PIGT: variants seen among roughly 807,000 people sequenced by gnomAD.
PIGT encodes GPI-anchor transamidase component PIGT.
Under a neutral mutation model 66.7 loss-of-function variants are expected in PIGT, and 57 were observed. The ratio of observed to expected loss-of-function variants is 0.86; its 90% CI spans 0.69 to 1.07. The LOEUF (loss-of-function observed/expected upper bound fraction) is 1.07, where lower values mean the gene tolerates loss of function less well. Ranked by LOEUF, PIGT falls within the 50% of genes least tolerant of loss-of-function variation. The pLI, the probability that PIGT is intolerant of heterozygous loss-of-function variation, is 0.00. For synonymous variants in PIGT, 362 were observed against 320.5 expected, an observed-to-expected ratio of 1.13 and a Z score of -1.38; for missense variants, 725 against 740.4, an observed-to-expected ratio of 0.98 and a Z score of 0.24.
At chr20:45,417,059 T>C (rs2145435080) in intron 2 of PIGT, 1 of 170,466 alleles carries the variant, frequency 5.9e-6, no homozygotes, top group South Asian at 1.3e-4. Flanking sequence ...GGGTTACAAC[T>C]GGCCAACAGG....
intron 7 of PIGT, 34 bp downstream of exon 7, chr20:45,420,463 C>T (rs1311178807): frequency 1.2e-6 from 2 of 1,609,814 alleles, no homozygotes; most frequent in East Asian, 2.2e-5. Flanking sequence ...CACAAACACA[C>T]CGCTGGTCCC....
At chr20:45,425,506 G>A (rs746049889) in intron 11 of PIGT, 68 bp from the exon 12 acceptor site, 18 of 1,555,994 alleles carry the variant, frequency 1.2e-5, no homozygotes, top group East Asian at 1.1e-4. Context: ...CAATACTGCC[G>A]GAATGAGGAT....
chr20:45,421,502 C>T lies in PIGT; in HGVS notation c.1153C>T (p.Leu385=), dbSNP rs1259828838. ...THPYRAFPVL[L]LDTVPWYLRL... is the part of the protein sequence containing the mutation. The stretch of plus-strand genomic sequence containing the variant: ...CCCATACCGGGCCTTCCCGGTGCTG[C>T]TGCTGGACACCGTACCCTGGTATCT... The change falls in exon 9 of 12, where the codon CTG becomes TTG. Residue 385 remains leucine (L), a synonymous_variant. Transcript: ENST00000279036. 1.2e-6 allele frequency: 2 copies of T among 1,614,196 alleles called. No homozygotes were observed. The highest frequency in any genetic ancestry group is 1.7e-5 in the Admixed American group (1 of 60,022).
In PIGT at chr20:45,421,412, C is replaced by T. The variant is rs761511570; in HGVS notation, c.1063C>T (p.Gln355Ter). The T allele has an allele frequency of 5.0e-6, 8 of 1,613,986 alleles. No individual in the cohort carries two copies. Residue 355 changes from glutamine (Q) to a stop codon, truncating the protein, a stop_gained, in exon 9 of 12, where the codon CAG (glutamine) becomes TAG (stop). Coordinates refer to ENST00000279036, the MANE Select transcript of PIGT (RefSeq NM_015937.6). LOFTEE classifies it high-confidence loss of function. ...CCCCCCAGTGCCCTTCCTGCATGCC[C>T]AGCGGTACGTGAGTGGCTATGGGCT... is the stretch of plus-strand genomic sequence containing the variant. ...EAPPVPFLHAQRYVSGYGLQK... is the reference protein window; with the variant it reads ...EAPPVPFLHA
chr20:45,419,683 G>A, intron 5 of PIGT, 93 bp downstream of exon 5: 3 of 870,352 alleles, frequency 3.4e-6, no homozygotes, highest in Non-Finnish European at 5.9e-6. Flanking sequence ...GGCTGAGTGA[G>A]TACTGAGTGG....
chr20:45,424,509 A>G lies in PIGT; in HGVS notation c.1414A>G (p.Ser472Gly). Residue 472 changes from serine to glycine, a missense_variant, in exon 11 of 12, where the codon AGC (serine) becomes GGC (glycine). Transcript: ENST00000279036. The part of the protein sequence containing the change: ...HGFYVSPSVL[S>G]ALVPSMVAAK... ...GCTTCTCTGTAGCCCATCTGTCCTC[A>G]GCGCCCTTGTGCCCAGCATGGTAGC... 6.2e-7 allele frequency: 1 copy of G among 1,614,124 alleles called. No individual in the cohort carries two copies. Among genetic ancestry groups the G allele is most frequent in the Non-Finnish European group, 8.5e-7 (1 of 1,180,008 alleles).
Position 45,425,768 on chromosome 20 carries a change from G to A in PIGT, c.1679G>A (p.Gly560Asp), listed in dbSNP as rs774130938. The A allele has an allele frequency of 3.1e-6, 5 of 1,614,016 alleles. No individual in the cohort carries two copies. Among genetic ancestry groups the A allele is most frequent in the South Asian group, 2.2e-5 (2 of 91,090 alleles). ...CACATCGAGGAGCCCCGCACAGGTG[G>A]CCTGGCCAAGCGGCTGGCCAACCTT... ...TFHIEEPRTGGLAKRLANLIR... is the reference protein window; with the variant it reads ...TFHIEEPRTGDLAKRLANLIR... Residue 560 changes from glycine to aspartate, a missense_variant, in exon 12 of 12, where the codon GGC (glycine) becomes GAC (aspartate). Physicochemically the swap from Gly to Asp is moderately conservative, Grantham distance 94 (BLOSUM62 -1). Around this residue, in one of 3 missense-constraint regions of PIGT, gnomAD observed 162 missense variants for 171.1 expected, o/e 0.95. Coordinates refer to ENST00000279036, the MANE Select transcript of PIGT (RefSeq NM_015937.6).
rs61739935 is a variant in PIGT, at chr20:45,425,652, C to T, written c.1563C>T (p.Asp521=). Residue 521 remains aspartate, a synonymous_variant, in exon 12 of 12, where the codon GAC becomes GAT. Transcript: ENST00000279036. ...EPLLVNLPTP[D]FSMPYNVICL... is the part of the protein sequence containing the mutation. ...TGCTGGTGAACCTGCCGACACCGGA[C>T]TTCAGCATGCCCTACAACGTGATCT... 1.2e-5 allele frequency: 20 copies of T among 1,614,192 alleles called. No homozygotes were observed. Among genetic ancestry groups the T allele is most frequent in the Non-Finnish European group, 1.6e-5 (19 of 1,180,024 alleles).
rs1271572812 is a variant in PIGT at position 45,426,118 on chromosome 20, T to G, written c.*292T>G. 1 of 466,542 alleles carries G rather than the reference T, an allele frequency of 2.1e-6. No homozygotes were observed. Among genetic ancestry groups the G allele is most frequent in the Non-Finnish European group, 3.9e-6 (1 of 258,526 alleles). The allele number at this position is 466,542 out of a possible 1,614,324, so 28.9% of individuals were successfully genotyped here. A position where few individuals can be genotyped will look rare whatever the true frequency, so the allele number is the denominator to read the frequency against. The stretch of plus-strand genomic sequence containing the variant: ...TGTATTGGACAGCACAGAAAAAGAT[T>G]TCCATCACCACAGAAAGGTCGGCTG... On this transcript the variant is annotated 3_prime_UTR_variant, in exon 12 of 12. Transcript: ENST00000279036.
At chr20:45,425,355 C>T (rs1036530013) in intron 11 of PIGT, among the ~76,000 whole-genome samples, 1 of 151,880 alleles carries the variant, frequency 6.6e-6, no homozygotes, top group Admixed American at 6.6e-5. Context: ...GCCCCGCATG[C>T]ATTAGGTATT....
rs374933853 is a variant in PIGT at position 45,420,702 on chromosome 20, G to T, written c.1033+9G>T. ...GAGACCCCCAGAGAATGGTGAGTGGGTGGTTGGTTGGACTGCTGGGTTGCA... is the reference window on the plus strand; with the variant it reads ...GAGACCCCCAGAGAATGGTGAGTGGTTGGTTGGTTGGACTGCTGGGTTGCA... On this transcript the variant is annotated intron_variant, in intron 8 of 11. Coordinates refer to ENST00000279036, the MANE Select transcript of PIGT (RefSeq NM_015937.6). 1 of 1,613,792 alleles carries T rather than the reference G, an allele frequency of 6.2e-7. No individual in the cohort carries two copies. Among genetic ancestry groups the T allele is most frequent in the Non-Finnish European group, 8.5e-7 (1 of 1,179,902 alleles).
At chr20:45,416,945 G>A in intron 2 of PIGT, 1 of 364,736 alleles carries the variant, frequency 2.7e-6, no homozygotes, top group Non-Finnish European at 4.9e-6. Flanking sequence ...TTATTTGGAG[G>A]TAAGGCAGTA....
chr20:45,424,873 A>C, intron 11 of PIGT: 1 of 436,304 alleles, frequency 2.3e-6, no homozygotes, highest in Admixed American at 3.5e-5. Context: ...TTCTGAGAGC[A>C]CTGAGTGTGC....
chr20:45,423,054 AATTTTTTTTT>A (rs1568952198), intron 9 of PIGT: 2 of 100,052 alleles, frequency 2.0e-5, no homozygotes, highest in East Asian at 5.1e-4. Context: ...ATACAAAAAA[AATTTTTTTTT>A]TTTTTTTTTT....
intron 11 of PIGT, 191 bp from the exon 12 acceptor site, chr20:45,425,383 T>TC: frequency 1.9e-5 from 8 of 418,318 alleles, no homozygotes; most frequent in Middle Eastern, 1.6e-3. Flanking sequence ...ATGCTCTCCC[T>TC]CCCCTTGCCC....
rs781318665 is a variant in PIGT at position 45,425,715 on chromosome 20, C to T, written c.1626C>T (p.Ser542=). The part of the protein sequence containing the change: ...TCTVVAVCYG[S]FYNLLTRTFH... ...CTGTGGTGGCCGTGTGCTATGGCTC[C>T]TTCTACAATCTCCTCACCCGAACCT... Residue 542 remains serine, a synonymous_variant, in exon 12 of 12, where the codon TCC becomes TCT. Transcript: ENST00000279036. 6.2e-7 allele frequency: 1 copy of T among 1,614,120 alleles called. No individual in the cohort carries two copies. Among genetic ancestry groups the T allele is most frequent in the Admixed American group, 1.7e-5 (1 of 60,026 alleles).
At chr20:45,425,551 C>G in intron 11 of PIGT, 23 bp from the exon 12 acceptor site, 1 of 1,608,762 alleles carries the variant, frequency 6.2e-7, no homozygotes, top group Non-Finnish European at 8.5e-7. Context: ...AGTCCTGTCT[C>G]ACCGCTCTTC....
chr20:45,421,737 G>T, intron 9 of PIGT, 154 bp downstream of exon 9: 1 of 636,080 alleles, frequency 1.6e-6, no homozygotes. Context: ...AACTGGAACG[G>T]GAGCCTCACT....
At chr20:45,421,223 A>T (rs1421208706) in intron 8 of PIGT, 160 bp from the exon 9 acceptor site, 2 of 619,960 alleles carry the variant, frequency 3.2e-6, no homozygotes, top group Non-Finnish European at 5.6e-6. Context: ...TTGGCTGGGG[A>T]AGACAGGGAT....
Sources: allele counts gnomAD v4.1 joint callset (sites outside exome capture counted in the v4.1 genomes callset), GRCh38; gene constraint gnomAD v4.1.1; regional missense constraint gnomAD v4.1.1; transcripts MANE v1.5; gene names NCBI Gene and HGNC (gene_info 2026-07-23, HGNC 2026-07-21).